The following KCNH1 variants were observed in gnomAD, a reference collection of about 807,000 sequenced individuals.
KCNH1 encodes voltage-gated delayed rectifier potassium channel KCNH1.
Under a neutral mutation model 69.2 loss-of-function variants are expected in KCNH1, and 27 were observed. The observed-to-expected ratio is 0.39, with a 90% CI of 0.29 to 0.54. The LOEUF is 0.54. Among genes scored for constraint, KCNH1 ranks in the 20% least tolerant of loss-of-function variants. The probability of loss-of-function intolerance (pLI) is 0.68; values close to 1 mark genes in which losing one functional copy is unlikely to be tolerated. For missense variants in KCNH1, 798 were observed against 1,261.6 expected (o/e 0.63, Z 5.57); for synonymous variants, 456 against 487.7 (o/e 0.93, Z 0.86).
At chr1:210,686,440 ACTGTTCTT>A (rs1363328338) in intron 10 of KCNH1, among the ~76,000 whole-genome samples, 3 of 152,164 alleles carry the variant, frequency 2.0e-5, no homozygotes, top group Non-Finnish European at 4.4e-5. Flanking sequence ...CTATGGTCAG[ACTGTTCTT>A]CTGTCCTAGT....
chr1:211,111,365 G>A (rs1008079366), intron 1 of KCNH1, among the ~76,000 whole-genome samples: 1 of 148,908 alleles, frequency 6.7e-6, no homozygotes, highest in African/African-American at 2.5e-5. Context: ...GGGAAGTGAG[G>A]AGCACCTCTG....
At position 211,019,156 on chromosome 1, in the gene KCNH1, C is replaced by T; in HGVS notation, c.659G>A (p.Trp220Ter). The T allele has an allele frequency of 6.2e-7, 1 of 1,613,918 alleles. No individual in the cohort carries two copies. Residue 220 changes from tryptophan to a stop codon, truncating the protein, a stop_gained, in exon 6 of 11, where the codon TGG becomes TAG. Transcript: ENST00000271751. LOFTEE classifies it high-confidence loss of function. ...GGTCAAGATCAAGATGATCCAATCCCACGTGGTCTTAAAAACACAATAATG... is the reference window on the plus strand; with the variant it reads ...GGTCAAGATCAAGATGATCCAATCCTACGTGGTCTTAAAAACACAATAATG... The part of the protein sequence containing the change: ...ILHYCVFKTT[W>*]DWIILILTFY...
Position 211,082,853 on chromosome 1 carries a change from C to T in KCNH1, c.485G>A (p.Arg162Lys), listed in dbSNP as rs1460020876. 1 of 1,614,070 alleles carries T rather than the reference C, an allele frequency of 6.2e-7. No homozygotes were observed. The highest frequency in any genetic ancestry group is 1.3e-5 in the African/African-American group (1 of 74,950). Residue 162 changes from arginine to lysine, a missense_variant, in exon 5 of 11, where the codon AGG becomes AAG. Arg to Lys is a conservative substitution (Grantham distance 26). Around this residue, in one of 4 missense-constraint regions of KCNH1, gnomAD observed 266 missense variants for 457.2 expected, o/e 0.58. Coordinates refer to ENST00000271751, the MANE Select transcript of KCNH1 (RefSeq NM_172362.3). ...ARLTRALTSS[R>K]GVLQQLAPSV... ...TGGAGCCAGCTGCTGCAGGACACCC[C>T]TGCTGCTTGTCAGTGCTCTTGTCAG... is the stretch of plus-strand genomic sequence containing the variant.
At chr1:210,791,131 C>T (rs775006451) in intron 9 of KCNH1, among the ~76,000 whole-genome samples, 1 of 152,176 alleles carries the variant, frequency 6.6e-6, no homozygotes, top group South Asian at 2.1e-4. Flanking sequence ...GTTGACCCTA[C>T]CATGTGGTAT....
intron 6 of KCNH1, among the ~76,000 whole-genome samples, chr1:210,935,794 A>T (rs1687765996): frequency 6.6e-6 from 1 of 152,226 alleles, no homozygotes; most frequent in Admixed American, 6.5e-5. Flanking sequence ...TTATCCCTGA[A>T]GGCCAACATC....
chr1:210,792,864 C>T (rs1684236032), intron 9 of KCNH1, among the ~76,000 whole-genome samples: 1 of 152,094 alleles, frequency 6.6e-6, no homozygotes, highest in Non-Finnish European at 1.5e-5. Context: ...ACTTAACACA[C>T]TTATGCACAG....
At chr1:210,950,382 C>T (rs1448180748) in intron 6 of KCNH1, among the ~76,000 whole-genome samples, 1 of 66,174 alleles carries the variant, frequency 1.5e-5, no homozygotes, top group Non-Finnish European at 3.1e-5. Flanking sequence ...CCCCACCCCA[C>T]AACAGTCCCC....
intron 9 of KCNH1, among the ~76,000 whole-genome samples, chr1:210,787,148 T>C (rs1403662058): frequency 6.8e-6 from 1 of 147,790 alleles, no homozygotes; most frequent in African/African-American, 2.6e-5. Flanking sequence ...ATGCTCCAGG[T>C]ATTTGGAACT....
chr1:210,698,854 C>T (rs1332710192), intron 10 of KCNH1, among the ~76,000 whole-genome samples: 2 of 152,226 alleles, frequency 1.3e-5, no homozygotes, highest in Non-Finnish European at 2.9e-5. Flanking sequence ...GGCTGCAGCG[C>T]CTGCCTGCCA....
intron 5 of KCNH1, among the ~76,000 whole-genome samples, chr1:211,038,604 C>A (rs1397413901): frequency 6.6e-6 from 1 of 152,118 alleles, no homozygotes; most frequent in South Asian, 2.1e-4. Context: ...GTGATATGGA[C>A]AATAAGATCC....
At chr1:211,060,400 C>CAAAAAAAGAAAAAAAAAAAA (rs1690413086) in intron 5 of KCNH1, among the ~76,000 whole-genome samples, 1 of 44,324 alleles carries the variant, frequency 2.3e-5, no homozygotes, top group Non-Finnish European at 3.5e-5. Context: ...GACTCCGTCT[C>CAAAAAAAGAAAAAAAAAAAA]AAAAAAAAAA....
At chr1:210,834,509 G>A (rs1685239672) in intron 7 of KCNH1, among the ~76,000 whole-genome samples, 1 of 117,310 alleles carries the variant, frequency 8.5e-6, no homozygotes, top group South Asian at 3.0e-4. Context: ...ACAGGAAGGG[G>A]AACATCAAAC....
At chr1:211,085,227 T>C (rs1446224047) in intron 4 of KCNH1, among the ~76,000 whole-genome samples, 1 of 152,158 alleles carries the variant, frequency 6.6e-6, no homozygotes, top group Non-Finnish European at 1.5e-5. Context: ...ACATTCTGAA[T>C]GGCTGGATAA....
chr1:210,778,406 C>A (rs1683903655), intron 9 of KCNH1, among the ~76,000 whole-genome samples: 1 of 151,898 alleles, frequency 6.6e-6, no homozygotes, highest in African/African-American at 2.4e-5. Context: ...ACCTGTAGTT[C>A]CAACTACTCA....
intron 8 of KCNH1, among the ~76,000 whole-genome samples, chr1:210,803,143 C>T (rs1245946916): frequency 6.6e-6 from 1 of 152,100 alleles, no homozygotes; most frequent in East Asian, 1.9e-4. Context: ...CACTCTGTCA[C>T]CAAGGCTAGA....
chr1:210,778,527 T>G (rs1371083594), intron 9 of KCNH1, among the ~76,000 whole-genome samples: 2 of 81,234 alleles, frequency 2.5e-5, no homozygotes, highest in Admixed American at 1.1e-4. Context: ...CAAGACTCTG[T>G]CTCAAAAAAA....
chr1:211,009,131 AT>A (rs1689346455), intron 6 of KCNH1, among the ~76,000 whole-genome samples: 1 of 152,202 alleles, frequency 6.6e-6, no homozygotes, highest in South Asian at 2.1e-4. Flanking sequence ...ATAGGCCACC[AT>A]TGTGGATTTT....
chr1:210,796,000 C>T (rs1480304901), intron 9 of KCNH1, among the ~76,000 whole-genome samples: 1 of 144,316 alleles, frequency 6.9e-6, no homozygotes, highest in Non-Finnish European at 1.5e-5. Flanking sequence ...CACACACACA[C>T]ACAAATTAGC....
intron 5 of KCNH1, among the ~76,000 whole-genome samples, chr1:211,057,009 C>G (rs145678184): frequency 1.3e-5 from 2 of 152,126 alleles, no homozygotes; most frequent in Middle Eastern, 3.2e-3. Flanking sequence ...CAGTAAAATG[C>G]GACCTCACCC....
Sources: allele counts gnomAD v4.1 joint callset (sites outside exome capture counted in the v4.1 genomes callset), GRCh38; gene constraint gnomAD v4.1.1; regional missense constraint gnomAD v4.1.1; transcripts MANE v1.5; gene names NCBI Gene and HGNC (gene_info 2026-07-23, HGNC 2026-07-21).